Variants in GALNT18 observed in about 807,000 individuals in gnomAD.
GALNT18 encodes the protein polypeptide N-acetylgalactosaminyltransferase 18, also known as GalNAc-transferase 18.
GALNT18 carries 44 observed loss-of-function variants against 69.5 expected under a neutral mutation model. The ratio of observed to expected loss-of-function variants is 0.63; its 90% CI spans 0.50 to 0.81. The LOEUF is 0.81. GALNT18 is among the 40% of genes least tolerant of loss of function. GALNT18 has a pLI of 0.00. For synonymous variants in GALNT18, 364 were observed against 318.2 expected (o/e 1.14, Z -1.53); for missense variants, 715 against 810.0 (o/e 0.88, Z 1.42).
chr11:11,589,887 A>C (rs1467283383), intron 1 of GALNT18, among the ~76,000 whole-genome samples: 1 of 152,198 alleles, frequency 6.6e-6, no homozygotes, highest in Admixed American at 6.5e-5. Context: ...AAGAGAGTCC[A>C]CATAGGCAAT....
In GALNT18 at chr11:11,332,442, T is replaced by C. The variant is rs1272826735; in HGVS notation, c.1416+252A>G. On this transcript the variant is annotated intron_variant, in intron 8 of 10. Coordinates refer to ENST00000227756, the MANE Select transcript of GALNT18 (RefSeq NM_198516.3). This position sits in a 1 kb window ranked among gnomAD's most constrained non-coding sequence, Gnocchi z 4.3. Reference sequence around the variant, plus strand: ...ATTATGTGTTTTATTAAGCGGAATATGCAGGTGTGGGGCCAGAGCTGAATT... The same window carrying C: ...ATTATGTGTTTTATTAAGCGGAATACGCAGGTGTGGGGCCAGAGCTGAATT... Among the ~76,000 whole-genome samples the C allele has an allele frequency of 2.6e-5, 4 of 152,174 alleles. No homozygotes were observed. Among genetic ancestry groups the C allele is most frequent in the African/African-American group, 9.7e-5 (4 of 41,426 alleles).
intron 10 of GALNT18, among the ~76,000 whole-genome samples, chr11:11,290,599 G>A (rs1013427109): frequency 2.6e-5 from 4 of 152,272 alleles, no homozygotes; most frequent in East Asian, 1.9e-4. Context: ...CACACATGCT[G>A]TTTCCTCTCC....
chr11:11,305,075 G>A (rs866339503), intron 9 of GALNT18, among the ~76,000 whole-genome samples: 11 of 152,336 alleles, frequency 7.2e-5, no homozygotes, highest in Middle Eastern at 3.4e-3. Context: ...GCCAGAGGTA[G>A]GTGATGAGTA....
At chr11:11,471,909 C>T (rs1856279111) in intron 1 of GALNT18, among the ~76,000 whole-genome samples, 1 of 152,210 alleles carries the variant, frequency 6.6e-6, no homozygotes, top group South Asian at 2.1e-4. Context: ...ATCAGCAGCA[C>T]AGTTGTCTGG....
rs942194084 is a variant in GALNT18 at position 11,582,620 on chromosome 11, G to A, written c.235+38739C>T. Among the ~76,000 whole-genome samples the A allele has an allele frequency of 1.3e-5, 2 of 152,220 alleles. No individual in the cohort carries two copies. The highest frequency in any genetic ancestry group is 2.9e-5 in the Non-Finnish European group (2 of 68,052). On this transcript the variant is annotated intron_variant, in intron 1 of 10. Coordinates refer to ENST00000227756, the MANE Select transcript of GALNT18 (RefSeq NM_198516.3). The surrounding 1 kb of genome is among the most constrained non-coding windows in gnomAD (Gnocchi z 5.0). ...GCCCAGTTCCTGGATTGTAGATATCGTGTGAAGCAGCGCAGACTTTCAGTA... is the reference window on the plus strand; with the variant it reads ...GCCCAGTTCCTGGATTGTAGATATCATGTGAAGCAGCGCAGACTTTCAGTA...
chr11:11,519,525 A>T (rs2133925573), intron 1 of GALNT18, among the ~76,000 whole-genome samples: 1 of 152,348 alleles, frequency 6.6e-6, no homozygotes, highest in East Asian at 1.9e-4. Flanking sequence ...GTGTTGGGAA[A>T]GGTGAGGAAT....
chr11:11,476,363 A>G (rs565965617), intron 1 of GALNT18: 4 of 152,122 alleles, frequency 2.6e-5, no homozygotes, highest in Non-Finnish European at 5.9e-5. Context: ...TCCTGTGGTT[A>G]TTCAGGGATA....
intron 9 of GALNT18, among the ~76,000 whole-genome samples, chr11:11,316,192 G>T (rs4909986): frequency 2.8e-4 from 42 of 151,946 alleles, no homozygotes; most frequent in Non-Finnish European, 4.3e-4. Flanking sequence ...CACACGCCAC[G>T]GAGTCATGGA....
At chr11:11,594,729 T>A (rs1173641980) in intron 1 of GALNT18, among the ~76,000 whole-genome samples, 1 of 151,430 alleles carries the variant, frequency 6.6e-6, no homozygotes, top group Non-Finnish European at 1.5e-5. Context: ...ATTTGGATTA[T>A]TTTCACTTTT....
chr11:11,279,999 CTGTGTA>C (rs1849035704), intron 10 of GALNT18, among the ~76,000 whole-genome samples: 1 of 152,060 alleles, frequency 6.6e-6, no homozygotes, highest in African/African-American at 2.4e-5. Flanking sequence ...GTGGAGGGGA[CTGTGTA>C]TGTGTGTGTT....
intron 6 of GALNT18, among the ~76,000 whole-genome samples, chr11:11,354,032 G>A (rs188580852): frequency 6.0e-4 from 92 of 152,310 alleles, no homozygotes; most frequent in Non-Finnish European, 1.1e-3. Flanking sequence ...CTCTCGCTCA[G>A]AAATGATATT....
chr11:11,381,352 T>C (rs1243544186), intron 3 of GALNT18, among the ~76,000 whole-genome samples: 1 of 152,172 alleles, frequency 6.6e-6, no homozygotes, highest in African/African-American at 2.4e-5. Flanking sequence ...TAGTACCAAA[T>C]GGCCTGATAC....
intron 1 of GALNT18, among the ~76,000 whole-genome samples, chr11:11,537,000 A>G (rs1011160275): frequency 6.6e-6 from 1 of 152,208 alleles, no homozygotes; most frequent in African/African-American, 2.4e-5. Flanking sequence ...ACGCAGTTAC[A>G]TTTTTACTCT....
chr11:11,530,552 G>A (rs1022754063), intron 1 of GALNT18, among the ~76,000 whole-genome samples: 21 of 152,174 alleles, frequency 1.4e-4, no homozygotes, highest in African/African-American at 4.3e-4. Context: ...CCAAACAGGC[G>A]TGCCATAGGC....
intron 1 of GALNT18, among the ~76,000 whole-genome samples, chr11:11,611,970 T>C (rs1039882182): frequency 3.9e-5 from 6 of 152,150 alleles, no homozygotes; most frequent in Non-Finnish European, 8.8e-5. Context: ...GGCCTCCCAT[T>C]TGACCTGAGG....
chr11:11,274,437 C>T (rs1039850617), intron 10 of GALNT18, among the ~76,000 whole-genome samples: 2 of 152,216 alleles, frequency 1.3e-5, no homozygotes, highest in Admixed American at 6.5e-5. Flanking sequence ...AGCGAAAATC[C>T]ACTGGCTTGA....
chr11:11,290,456 C>T (rs1194597679), intron 10 of GALNT18, among the ~76,000 whole-genome samples: 1 of 152,116 alleles, frequency 6.6e-6, no homozygotes, highest in Non-Finnish European at 1.5e-5. Context: ...ATCCACCAGG[C>T]CCTGTGGCCT....
Position 11,586,833 on chromosome 11 carries a change from C to A in GALNT18, c.235+34526G>T, listed in dbSNP as rs10538794. Reference sequence around the variant, plus strand: ...TACTAAAAACACACACACACACACACAAAAAAAAGCCAGGTGTGGTGGCGG... The same window carrying A: ...TACTAAAAACACACACACACACACAAAAAAAAAAGCCAGGTGTGGTGGCGG... On this transcript the variant is annotated intron_variant, in intron 1 of 10. Coordinates refer to ENST00000227756, the MANE Select transcript of GALNT18 (RefSeq NM_198516.3). The surrounding 1 kb of genome is among the most constrained non-coding windows in gnomAD (Gnocchi z 4.1). Among the ~76,000 whole-genome samples the A allele has an allele frequency of 0.015, 2,268 of 150,856 alleles. 54 individuals are homozygous for A. The highest frequency in any genetic ancestry group is 0.051 in the African/African-American group (2,109 of 41,002).
At position 11,379,073 on chromosome 11, in the gene GALNT18, G is replaced by T; in HGVS notation, c.779+8C>A. 6.3e-7 allele frequency: 1 copy of T among 1,584,056 alleles called. No homozygotes were observed. The highest frequency in any genetic ancestry group is 8.5e-7 in the Non-Finnish European group (1 of 1,169,618). ...GGGACTCCTCCTCCTCTCCCAAGGG[G>T]CACTTACCAGCCCACATTGAACTCC... is the stretch of plus-strand genomic sequence containing the variant. On this transcript the variant is annotated splice_region_variant and intron_variant, in intron 4 of 10. Transcript: ENST00000227756.
Sources: allele counts gnomAD v4.1 joint callset (sites outside exome capture counted in the v4.1 genomes callset), GRCh38; gene constraint gnomAD v4.1.1; non-coding constraint Gnocchi (gnomAD v3.1); transcripts MANE v1.5; gene names NCBI Gene and HGNC (gene_info 2026-07-23, HGNC 2026-07-21).